Variants in PSPC1 observed in about 807,000 individuals in gnomAD.
PSPC1 encodes paraspeckle component 1, also known as paraspeckle protein 1.
A neutral mutation model predicts 51.6 loss-of-function variants in PSPC1; 14 were observed. That is an observed-to-expected ratio of 0.27 (90% CI 0.18 to 0.42). The LOEUF is 0.42. PSPC1 is among the 10% of genes least tolerant of loss of function. The pLI is 1.00. For missense variants in PSPC1, 406 were observed against 701.1 expected, an observed-to-expected ratio of 0.58 and a Z score of 4.75; for synonymous variants, 193 against 231.9, an observed-to-expected ratio of 0.83 and a Z score of 1.53.
At chr13:19,733,394 C>A (rs186542818) in intron 5 of PSPC1, among the ~76,000 whole-genome samples, 4 of 152,164 alleles carry the variant, frequency 2.6e-5, no homozygotes, top group African/African-American at 9.6e-5. Context: ...ACTGGGATTA[C>A]TTTGGGAGGT....
chr13:19,728,473 C>A, intron 6 of PSPC1, among the ~76,000 whole-genome samples: 4 of 70,944 alleles, frequency 5.6e-5, no homozygotes, highest in African/African-American at 1.4e-4. Flanking sequence ...CACACACACA[C>A]ACACACACAC....
intron 5 of PSPC1, among the ~76,000 whole-genome samples, chr13:19,739,566 G>A (rs1344749850): frequency 1.3e-5 from 2 of 151,986 alleles, no homozygotes; most frequent in Non-Finnish European, 2.9e-5. Flanking sequence ...TGGCCAACAT[G>A]GTGAAGCCCC....
At chr13:19,728,504 C>T (rs1883650032) in intron 6 of PSPC1, among the ~76,000 whole-genome samples, 1 of 147,720 alleles carries the variant, frequency 6.8e-6, no homozygotes, top group Non-Finnish European at 1.5e-5. Context: ...AATTGTTTAA[C>T]AATTTTCTCC....
intron 6 of PSPC1, among the ~76,000 whole-genome samples, chr13:19,691,464 G>A (rs567139886): frequency 3.9e-5 from 6 of 152,204 alleles, no homozygotes; most frequent in East Asian, 1.9e-4. Flanking sequence ...TTGAGGCTGC[G>A]GTGAGCTATG....
In PSPC1 at chr13:19,782,909, C is replaced by T. The variant is rs1458163193; in HGVS notation, c.-152G>A. ...GGCGAGTCGGCAACCCGTCCTCCCC[C>T]AACTCACGCCCGCTGCAGCTGCACA... On this transcript the variant is annotated 5_prime_UTR_variant, in exon 1 of 9. Coordinates refer to ENST00000338910, the MANE Select transcript of PSPC1 (RefSeq NM_001354909.2). This position sits in a 1 kb window ranked among gnomAD's most constrained non-coding sequence, Gnocchi z 4.5. The T allele has an allele frequency of 2.6e-6, 2 of 773,440 alleles. No homozygotes were observed. The highest frequency in any genetic ancestry group is 3.7e-6 in the Non-Finnish European group (2 of 539,240). The allele number at this position is 773,440 out of a possible 1,614,324, so 47.9% of individuals were successfully genotyped here. A position where few individuals can be genotyped will look rare whatever the true frequency, so the allele number is the denominator to read the frequency against.
intron 5 of PSPC1, among the ~76,000 whole-genome samples, chr13:19,740,857 A>G (rs1885367675): frequency 6.6e-6 from 1 of 150,886 alleles, no homozygotes; most frequent in Non-Finnish European, 1.5e-5. Context: ...CCCTTTTAAC[A>G]CGGAGTCAAC....
At chr13:19,679,735 A>T (rs1253596605) in intron 6 of PSPC1, among the ~76,000 whole-genome samples, 7 of 152,174 alleles carry the variant, frequency 4.6e-5, no homozygotes, top group Non-Finnish European at 7.4e-5. Context: ...TTTGATATTC[A>T]TGGGGGCAGA....
intron 1 of PSPC1, among the ~76,000 whole-genome samples, chr13:19,775,366 AC>A (rs1218342804): frequency 6.9e-6 from 1 of 145,564 alleles, no homozygotes; most frequent in African/African-American, 2.6e-5. Context: ...AAATAAATAG[AC>A]AAAAAAAAAA....
Position 19,734,847 on chromosome 13 carries a change from G to A in PSPC1, c.1053-4503C>T, listed in dbSNP as rs374358988. Among the ~76,000 whole-genome samples the A allele has an allele frequency of 1.5e-4, 23 of 151,956 alleles. 1 individual carries two copies. The highest frequency in any genetic ancestry group is 4.8e-4 in the African/African-American group (20 of 41,482). ...ATAAAAATTAGCCGGGCGTGGTGGC[G>A]TGCACTTTTAATTCCAGCTACTCAG... On this transcript the variant is annotated intron_variant, in intron 5 of 8. Coordinates refer to ENST00000338910, the MANE Select transcript of PSPC1 (RefSeq NM_001354909.2).
rs1451215046 is a variant in PSPC1, at chr13:19,772,250, C to T, written c.666G>A (p.Leu222=). 4.3e-6 allele frequency: 7 copies of T among 1,611,790 alleles called. No homozygotes were observed. Among genetic ancestry groups the T allele is most frequent in the Non-Finnish European group, 5.9e-6 (7 of 1,178,782 alleles). Residue 222 remains leucine (L), a synonymous_variant, in exon 2 of 9, where the codon TTG becomes TTA. Transcript: ENST00000338910. ...AGATATTTAAAACTTACGTTGTTAG[C>T]AAGAATGCCCCATCACCACATCTTT... is the stretch of plus-strand genomic sequence containing the variant. ...ALERCGDGAF[L]LTTTPRPVIV... is the part of the protein sequence containing the mutation.
downstream of PSPC1, among the ~76,000 whole-genome samples, chr13:19,701,933 T>C (rs1191007821): frequency 2.0e-5 from 3 of 152,232 alleles, no homozygotes; most frequent in Non-Finnish European, 4.4e-5. Flanking sequence ...TAAAGAGTTA[T>C]GACTTTGTTT....
At chr13:19,716,078 T>C (rs1020480021) in intron 6 of PSPC1, among the ~76,000 whole-genome samples, 17 of 152,188 alleles carry the variant, frequency 1.1e-4, no homozygotes, top group African/African-American at 4.1e-4. Context: ...GCTATGTATA[T>C]AAGACATATA....
intron 6 of PSPC1, among the ~76,000 whole-genome samples, chr13:19,693,075 T>C (rs1303853287): frequency 6.6e-6 from 1 of 152,194 alleles, no homozygotes. Flanking sequence ...ATCTCAACTT[T>C]ACTTCTCTTC....
chr13:19,762,972 G>A (rs968894593), intron 2 of PSPC1, among the ~76,000 whole-genome samples: 2 of 151,994 alleles, frequency 1.3e-5, no homozygotes, highest in Admixed American at 1.3e-4. Context: ...GGGTATGGTG[G>A]TACATGCCTG....
At chr13:19,776,495 G>C (rs1395762984) in intron 1 of PSPC1, among the ~76,000 whole-genome samples, 2 of 151,848 alleles carry the variant, frequency 1.3e-5, no homozygotes, top group Non-Finnish European at 2.9e-5. Context: ...CACTTAAAAT[G>C]TGTACCCTTT....
chr13:19,724,556 A>G (rs1454121719), intron 6 of PSPC1, among the ~76,000 whole-genome samples: 1 of 152,320 alleles, frequency 6.6e-6, no homozygotes, highest in Middle Eastern at 3.4e-3. Flanking sequence ...TCTACTGACT[A>G]GAACTAAAGG....
intron 8 of PSPC1, among the ~76,000 whole-genome samples, chr13:19,704,720 C>T (rs1055561338): frequency 6.6e-6 from 1 of 152,064 alleles, no homozygotes; most frequent in Admixed American, 6.6e-5. Flanking sequence ...ATTCTTGCTA[C>T]TAATATATTT....
intron 4 of PSPC1, among the ~76,000 whole-genome samples, chr13:19,750,458 A>AT (rs1886424059): frequency 1.4e-4 from 8 of 58,194 alleles, no homozygotes; most frequent in East Asian, 7.0e-4. Context: ...AAACAAACAA[A>AT]AATATATATA....
chr13:19,738,864 C>G (rs1441274145), intron 5 of PSPC1, among the ~76,000 whole-genome samples: 4 of 151,298 alleles, frequency 2.6e-5, no homozygotes, highest in Admixed American at 2.0e-4. Flanking sequence ...CGAGATTGCG[C>G]CACTGCACTC....
Sources: gnomAD v4.1 joint callset for allele counts (sites outside exome capture counted in the v4.1 genomes callset) on GRCh38, gnomAD v4.1.1 for gene constraint, Gnocchi (gnomAD v3.1) non-coding constraint, MANE v1.5 for transcripts, NCBI Gene and HGNC (gene_info 2026-07-23, HGNC 2026-07-21) for gene names.